Variants in C8orf34 observed in about 807,000 individuals in gnomAD.
C8orf34 encodes uncharacterized protein C8orf34.
C8orf34 carries 65 observed loss-of-function variants against 68.3 expected under a neutral mutation model. That is an observed-to-expected ratio of 0.95 (90% CI 0.78 to 1.17). C8orf34 has a LOEUF of 1.17. C8orf34 is among the 50% of genes most tolerant of loss of function. C8orf34 has a pLI of 0.00. For synonymous variants in C8orf34, 244 were observed against 241.2 expected (o/e 1.01, Z -0.11); for missense variants, 664 against 655.4 (o/e 1.01, Z -0.14).
chr8:68,540,387 A>C (rs999139359), intron 7 of C8orf34, among the ~76,000 whole-genome samples: 4 of 151,550 alleles, frequency 2.6e-5, no homozygotes, highest in Non-Finnish European at 5.9e-5. Flanking sequence ...ACTTAATGAC[A>C]GAAAAAATTT....
chr8:68,733,235 T>C (rs558860574), intron 10 of C8orf34, among the ~76,000 whole-genome samples: 9 of 152,268 alleles, frequency 5.9e-5, no homozygotes, highest in African/African-American at 2.2e-4. Flanking sequence ...CCCATTTTGT[T>C]TGCAAGCAGA....
chr8:68,342,500 C>T (rs1382184038), intron 1 of C8orf34, among the ~76,000 whole-genome samples: 9 of 152,166 alleles, frequency 5.9e-5, no homozygotes, highest in East Asian at 1.9e-4. Flanking sequence ...AGTGTAGTAG[C>T]CCCCTCTTAT....
intron 8 of C8orf34, among the ~76,000 whole-genome samples, chr8:68,651,926 G>A (rs1563586878): frequency 6.6e-6 from 1 of 152,148 alleles, no homozygotes; most frequent in Non-Finnish European, 1.5e-5. Context: ...ATATTGTCTT[G>A]AGAAAGTCTA....
At chr8:68,722,402 A>G (rs558398990) in intron 10 of C8orf34, among the ~76,000 whole-genome samples, 49 of 152,104 alleles carry the variant, frequency 3.2e-4, no homozygotes, top group Non-Finnish European at 5.2e-4. Context: ...ATGAAATTTT[A>G]GGAGGACACA....
intron 10 of C8orf34, among the ~76,000 whole-genome samples, chr8:68,734,164 T>C (rs934242553): frequency 6.6e-6 from 1 of 152,054 alleles, no homozygotes; most frequent in Non-Finnish European, 1.5e-5. Flanking sequence ...TCAAATAATA[T>C]CAAGAAAAGG....
chr8:68,802,327 C>T lies in C8orf34; in HGVS notation c.1550-13559C>T, dbSNP rs531882463. On this transcript the variant is annotated intron_variant, in intron 12 of 13. Coordinates refer to ENST00000518698, the MANE Select transcript of C8orf34 (RefSeq NM_052958.4). ...GTTGGTCAGGCTGGTCTTGAACTCC[C>T]GACCTCAGGTGATCCACCTGCCTCG... Among the ~76,000 whole-genome samples, 269 of 151,628 alleles carry T rather than the reference C, an allele frequency of 1.8e-3. 1 individual carries two copies. The highest frequency in any genetic ancestry group is 2.9e-3 in the Non-Finnish European group (200 of 67,868).
At chr8:68,804,804 C>CAAAT (rs1330682797) in intron 12 of C8orf34, among the ~76,000 whole-genome samples, 3 of 151,350 alleles carry the variant, frequency 2.0e-5, no homozygotes, top group Non-Finnish European at 2.9e-5. Flanking sequence ...AACAAACAAA[C>CAAAT]AAATAAATAA....
At chr8:68,425,958 A>G (rs1432942724) in intron 1 of C8orf34, among the ~76,000 whole-genome samples, 1 of 152,196 alleles carries the variant, frequency 6.6e-6, no homozygotes, top group East Asian at 1.9e-4. Flanking sequence ...CTGGATAAAG[A>G]GCATTTGTAG....
At chr8:68,774,322 GGT>G (rs111570038) in intron 10 of C8orf34, among the ~76,000 whole-genome samples, 24,770 of 114,312 alleles carry the variant, frequency 0.22, 2,799 homozygotes, top group East Asian at 0.4. Flanking sequence ...TAAAAATATG[GGT>G]GTGTGTGTAT....
At chr8:68,628,393 A>G (rs144922445) in intron 7 of C8orf34, among the ~76,000 whole-genome samples, 31 of 152,264 alleles carry the variant, frequency 2.0e-4, no homozygotes, top group Non-Finnish European at 3.8e-4. Context: ...CAACCAGAAT[A>G]TGTCCCAACA....
chr8:68,792,615 A>G (rs925162013), intron 12 of C8orf34: 1 of 149,454 alleles, frequency 6.7e-6, no homozygotes, highest in African/African-American at 2.4e-5. Flanking sequence ...ATTTAAAGAT[A>G]GAAAAGGAAA....
At chr8:68,787,649 G>T in intron 12 of C8orf34, 113 bp downstream of exon 12, 1 of 630,752 alleles carries the variant, frequency 1.6e-6, no homozygotes, top group South Asian at 2.4e-5. Context: ...AAAAAATCCA[G>T]ACTCTGTTAG....
chr8:68,601,822 G>A (rs966945022), intron 7 of C8orf34, among the ~76,000 whole-genome samples: 2 of 152,048 alleles, frequency 1.3e-5, no homozygotes, highest in Non-Finnish European at 2.9e-5. Flanking sequence ...TGCACATTTT[G>A]TATATTATAT....
At chr8:68,517,044 A>T (rs2129633818) in intron 5 of C8orf34, among the ~76,000 whole-genome samples, 1 of 152,302 alleles carries the variant, frequency 6.6e-6, no homozygotes, top group African/African-American at 2.4e-5. Context: ...TTACTAAAGA[A>T]TAATTAGGAT....
intron 10 of C8orf34, among the ~76,000 whole-genome samples, chr8:68,723,599 CATG>C (rs1331113947): frequency 6.6e-6 from 1 of 152,128 alleles, no homozygotes; most frequent in African/African-American, 2.4e-5. Flanking sequence ...TCCATAACCT[CATG>C]ATGTTATGTT....
intron 7 of C8orf34, among the ~76,000 whole-genome samples, chr8:68,543,474 T>C (rs932863518): frequency 6.6e-6 from 1 of 152,180 alleles, no homozygotes; most frequent in African/African-American, 2.4e-5. Context: ...AACATTAACA[T>C]TTATGTACAT....
intron 11 of C8orf34, among the ~76,000 whole-genome samples, chr8:68,783,645 C>T (rs1194723850): frequency 6.6e-6 from 1 of 152,144 alleles, no homozygotes; most frequent in Non-Finnish European, 1.5e-5. Flanking sequence ...AAGTCCCTCC[C>T]TACTTCAAGC....
intron 7 of C8orf34, among the ~76,000 whole-genome samples, chr8:68,633,872 GTT>G (rs11325092): frequency 1.7e-4 from 26 of 148,722 alleles, no homozygotes; most frequent in African/African-American, 3.4e-4. Flanking sequence ...CCTTGTAGGA[GTT>G]TTTTTTTTTT....
intron 8 of C8orf34, among the ~76,000 whole-genome samples, chr8:68,697,041 CT>C (rs992305395): frequency 2.0e-5 from 3 of 151,758 alleles, no homozygotes; most frequent in African/African-American, 7.3e-5. Context: ...TAACTTTTAA[CT>C]TTTTTTTATA....
Sources: gnomAD v4.1 joint callset for allele counts (sites outside exome capture counted in the v4.1 genomes callset) on GRCh38, gnomAD v4.1.1 for gene constraint, MANE v1.5 for transcripts, NCBI Gene and HGNC (gene_info 2026-07-23, HGNC 2026-07-21) for gene names.